MEI1: variants seen among roughly 807,000 people sequenced by gnomAD.
MEI1 encodes the protein meiotic double-stranded break formation protein 1, also known as meiosis inhibitor protein 1.
A neutral mutation model predicts 146.2 loss-of-function variants in MEI1; 103 were observed. That is an observed-to-expected ratio of 0.70 (90% CI 0.60 to 0.83). MEI1 has a LOEUF of 0.83. Among genes scored for constraint, MEI1 ranks in the 40% least tolerant of loss-of-function variants. The probability of loss-of-function intolerance (pLI) is 0.00; values close to 1 mark genes in which losing one functional copy is unlikely to be tolerated. For missense variants in MEI1, 1,529 were observed against 1,533.0 expected, an observed-to-expected ratio of 1.00 and a Z score of 0.04; for synonymous variants, 652 against 628.2, an observed-to-expected ratio of 1.04 and a Z score of -0.57.
At chr22:41,765,715 C>G (rs546584517) in intron 19 of MEI1, among the ~76,000 whole-genome samples, 2 of 151,762 alleles carry the variant, frequency 1.3e-5, no homozygotes, top group Non-Finnish European at 2.9e-5. Context: ...AAATAATTTT[C>G]AGAGAGTCAT....
At chr22:41,721,012 C>G (rs1214779595) in intron 6 of MEI1, among the ~76,000 whole-genome samples, 1 of 150,274 alleles carries the variant, frequency 6.7e-6, no homozygotes, top group Non-Finnish European at 1.5e-5. Context: ...ATCTCCTGAC[C>G]TCGTGATCCA....
rs776969125 is a variant in MEI1 at position 41,781,271 on chromosome 22, T to G, written c.2816-13T>G. 3.7e-6 allele frequency: 6 copies of G among 1,601,330 alleles called. No homozygotes were observed. The African/African-American group carries it at 6.7e-5, about 18-fold the overall frequency. ...TTTGCGACAGGCCGACTGGGGACTT[T>G]CATCTCTTGCAGTAAGCAAGCTGTG... On this transcript the variant is annotated splice_polypyrimidine_tract_variant and intron_variant, in intron 22 of 30. Coordinates refer to ENST00000401548, the MANE Select transcript of MEI1 (RefSeq NM_152513.4).
chr22:41,703,305 G>A (rs1448161571), intron 1 of MEI1, 26 bp from the exon 2 acceptor site: 2 of 1,607,584 alleles, frequency 1.2e-6, no homozygotes. Flanking sequence ...GGTTGCTATT[G>A]AATGTTTTTC....
chr22:41,744,980 C>G lies in MEI1; in HGVS notation c.1454C>G (p.Ala485Gly). The change falls in exon 13 of 31, where the codon GCC (alanine) becomes GGC (glycine). Residue 485 changes from alanine (A) to glycine (G), a missense_variant. Transcript: ENST00000401548. ...CTCTCCTTCCCACCTCAGGGCCATGCCTCCAGTAGAGATTCAGAGAAGGCC... is the reference window on the plus strand; with the variant it reads ...CTCTCCTTCCCACCTCAGGGCCATGGCTCCAGTAGAGATTCAGAGAAGGCC... The part of the protein sequence containing the change: ...TLLSRRPLGH[A>G]SSRDSEKAIL... 6.5e-7 allele frequency: 1 copy of G among 1,548,932 alleles called. No individual in the cohort carries two copies. Among genetic ancestry groups the G allele is most frequent in the Non-Finnish European group, 8.7e-7 (1 of 1,145,518 alleles).
chr22:41,716,172 C>T, intron 5 of MEI1, 26 bp downstream of exon 5: 2 of 1,508,716 alleles, frequency 1.3e-6, no homozygotes, highest in Middle Eastern at 3.4e-4. Flanking sequence ...GAGGAGCTGC[C>T]ACTACCCTTT....
At chr22:41,733,414 A>C (rs1436594596) in intron 11 of MEI1, among the ~76,000 whole-genome samples, 1 of 151,948 alleles carries the variant, frequency 6.6e-6, no homozygotes, top group Non-Finnish European at 1.5e-5. Context: ...ACACCACTGC[A>C]CTCCAGCCTG....
intron 1 of MEI1, among the ~76,000 whole-genome samples, 173 bp downstream of exon 1, chr22:41,699,885 G>C (rs897317129): frequency 6.6e-6 from 1 of 152,162 alleles, no homozygotes; most frequent in Non-Finnish European, 1.5e-5. Flanking sequence ...GCGGCCTCTC[G>C]GGCCCCTCAG....
Position 41,795,777 on chromosome 22 carries a change from A to AC in MEI1, c.3712dup (p.Leu1238ProfsTer11), listed in dbSNP as rs1307937052. 2.5e-6 allele frequency: 4 copies of AC among 1,613,706 alleles called. No individual in the cohort carries two copies. The highest frequency in any genetic ancestry group is 3.4e-6 in the Non-Finnish European group (4 of 1,179,794). Reference sequence around the variant, plus strand: ...CCTGGCTGACCACAGCATGGCCCAGACCCTGCAGGCCTCCTTGGAGGGCCT... The same window carrying AC: ...CCTGGCTGACCACAGCATGGCCCAGACCCCTGCAGGCCTCCTTGGAGGGCCT... On this transcript the variant is annotated frameshift_variant, in exon 30 of 31. Transcript: ENST00000401548. LOFTEE classifies it high-confidence loss of function. This position sits in a 1 kb window ranked among gnomAD's most constrained non-coding sequence, Gnocchi z 4.2.
intron 3 of MEI1, among the ~76,000 whole-genome samples, chr22:41,711,977 G>A (rs1053701093): frequency 2.0e-5 from 3 of 151,522 alleles, no homozygotes; most frequent in South Asian, 2.1e-4. Flanking sequence ...CAAGGCGGGC[G>A]GATCACCTGA....
intron 20 of MEI1, 183 bp from the exon 21 acceptor site, chr22:41,775,919 G>T: frequency 1.8e-6 from 1 of 569,454 alleles, no homozygotes. Context: ...CTAAGGGATG[G>T]TTTTGAGGCG....
intron 3 of MEI1, among the ~76,000 whole-genome samples, chr22:41,706,707 C>G (rs79433987): frequency 0.066 from 10,058 of 151,380 alleles, 1,076 homozygotes; most frequent in African/African-American, 0.23. Context: ...AAGTGAGACC[C>G]CTTTCTCTTA....
chr22:41,766,665 G>C (rs535236539), intron 19 of MEI1, among the ~76,000 whole-genome samples: 1 of 152,182 alleles, frequency 6.6e-6, no homozygotes, highest in East Asian at 1.9e-4. Context: ...TCCCACCTCA[G>C]CTTCCTGAGT....
chr22:41,743,408 G>A (rs980967210), intron 12 of MEI1, among the ~76,000 whole-genome samples: 7 of 151,780 alleles, frequency 4.6e-5, no homozygotes, highest in Non-Finnish European at 8.8e-5. Context: ...AGCCACGAGG[G>A]TTAAATAATT....
intron 24 of MEI1, among the ~76,000 whole-genome samples, chr22:41,782,164 T>C (rs1018352343): frequency 6.6e-6 from 1 of 152,188 alleles, no homozygotes; most frequent in Admixed American, 6.5e-5. Flanking sequence ...GATAAGATTG[T>C]ACTCAGCAAA....
intron 20 of MEI1, 75 bp from the exon 21 acceptor site, chr22:41,776,027 C>A: frequency 1.4e-6 from 2 of 1,458,944 alleles, no homozygotes; most frequent in East Asian, 2.3e-5. Context: ...CCTTTTCCTG[C>A]CCCTCTATTC....
intron 20 of MEI1, among the ~76,000 whole-genome samples, chr22:41,771,584 C>T (rs565356521): frequency 1.4e-5 from 2 of 147,262 alleles, no homozygotes; most frequent in East Asian, 2.0e-4. Context: ...TACAGGTGCA[C>T]GCCACCACAC....
chr22:41,717,581 A>G (rs1347801711), intron 5 of MEI1, among the ~76,000 whole-genome samples: 1 of 151,180 alleles, frequency 6.6e-6, no homozygotes. Context: ...TTCAGGAATG[A>G]GCCACTGCAC....
intron 30 of MEI1, among the ~76,000 whole-genome samples, chr22:41,797,957 C>T (rs1224941720): frequency 6.6e-6 from 1 of 152,076 alleles, no homozygotes; most frequent in African/African-American, 2.4e-5. Context: ...GACATTCAGT[C>T]GTGCCCAGAA....
intron 15 of MEI1, among the ~76,000 whole-genome samples, chr22:41,750,181 A>G (rs1200859065): frequency 6.6e-6 from 1 of 152,182 alleles, no homozygotes; most frequent in Non-Finnish European, 1.5e-5. Flanking sequence ...AGATTCTTCA[A>G]AGTTGAGGGT....
Sources: gnomAD v4.1 joint callset for allele counts (sites outside exome capture counted in the v4.1 genomes callset) on GRCh38, gnomAD v4.1.1 for gene constraint, Gnocchi (gnomAD v3.1) non-coding constraint, MANE v1.5 for transcripts, NCBI Gene and HGNC (gene_info 2026-07-23, HGNC 2026-07-21) for gene names.